Variants in NRXN1 observed in about 807,000 individuals in gnomAD.
NRXN1 encodes neurexin-1.
Under a neutral mutation model 150.9 loss-of-function variants are expected in NRXN1, and 39 were observed. That is an observed-to-expected ratio of 0.26 (90% CI 0.20 to 0.34). NRXN1 has a LOEUF of 0.34. NRXN1 is among the 10% of genes least tolerant of loss of function. The probability of loss-of-function intolerance (pLI) is 1.00; values close to 1 mark genes in which losing one functional copy is unlikely to be tolerated. For missense variants in NRXN1, 1,815 were observed against 1,949.9 expected (o/e 0.93, Z 1.30); for synonymous variants, 924 against 757.0 (o/e 1.22, Z -3.62).
chr2:50,936,843 G>A (rs1361121177), intron 2 of NRXN1, among the ~76,000 whole-genome samples: 1 of 152,074 alleles, frequency 6.6e-6, no homozygotes, highest in Non-Finnish European at 1.5e-5. Flanking sequence ...TTGTAAACAT[G>A]TATGAAAACG....
At chr2:50,189,406 C>A (rs1392674875) in intron 18 of NRXN1, among the ~76,000 whole-genome samples, 1 of 152,128 alleles carries the variant, frequency 6.6e-6, no homozygotes, top group Admixed American at 6.6e-5. Context: ...AGGAAAAATA[C>A]CTAATGTAGA....
intron 5 of NRXN1, among the ~76,000 whole-genome samples, chr2:50,773,309 TTTTG>T (rs1339942581): frequency 3.9e-5 from 6 of 152,182 alleles, no homozygotes; most frequent in African/African-American, 1.4e-4. Context: ...AGACATTCTG[TTTTG>T]TTTGTTAATT....
intron 5 of NRXN1, among the ~76,000 whole-genome samples, chr2:50,798,796 A>G (rs1312872608): frequency 2.6e-5 from 4 of 152,218 alleles, no homozygotes; most frequent in Non-Finnish European, 4.4e-5. Context: ...AAGCCATTCA[A>G]AAACTGTTTA....
intron 6 of NRXN1, 42 bp from the exon 7 acceptor site, chr2:50,621,291 A>G (rs777527271): frequency 3.4e-6 from 5 of 1,462,290 alleles, no homozygotes; most frequent in Non-Finnish European, 4.7e-6. Context: ...AAAACTGTGA[A>G]CAGAATAACG....
intron 5 of NRXN1, among the ~76,000 whole-genome samples, chr2:50,909,368 T>C (rs1203318555): frequency 2.6e-5 from 4 of 152,102 alleles, no homozygotes; most frequent in East Asian, 3.9e-4. Flanking sequence ...TTTGTTTGAA[T>C]AGGCATTTGG....
At chr2:50,317,581 A>C (rs1343016203) in intron 17 of NRXN1, among the ~76,000 whole-genome samples, 2 of 151,990 alleles carry the variant, frequency 1.3e-5, no homozygotes, top group African/African-American at 2.4e-5. Flanking sequence ...AAATGAAAGA[A>C]TGTACTAACA....
At chr2:50,951,970 T>A (rs1691432710) in intron 2 of NRXN1, among the ~76,000 whole-genome samples, 3 of 132,866 alleles carry the variant, frequency 2.3e-5, no homozygotes, top group African/African-American at 8.6e-5. Context: ...TATATTTTTT[T>A]TTTTTTTTTT....
intron 17 of NRXN1, among the ~76,000 whole-genome samples, chr2:50,443,423 T>C (rs946572252): frequency 6.6e-6 from 1 of 152,126 alleles, no homozygotes; most frequent in African/African-American, 2.4e-5. Context: ...AATGGGTCAT[T>C]TGTGAGTTTG....
At chr2:50,669,263 A>G (rs569995393) in intron 5 of NRXN1, among the ~76,000 whole-genome samples, 16 of 152,106 alleles carry the variant, frequency 1.1e-4, no homozygotes, top group African/African-American at 3.9e-4. Context: ...TAAGTGAGGT[A>G]GCAAAAAACA....
intron 5 of NRXN1, chr2:50,637,500 T>A (rs1453538401): frequency 6.6e-6 from 1 of 152,224 alleles, no homozygotes; most frequent in African/African-American, 2.4e-5. Context: ...ACAGAATTTA[T>A]GAGAAAGACT....
At chr2:50,343,361 C>G (rs1290096801) in intron 17 of NRXN1, among the ~76,000 whole-genome samples, 1 of 152,170 alleles carries the variant, frequency 6.6e-6, no homozygotes, top group East Asian at 1.9e-4. Context: ...GCTGAGCACA[C>G]TGGTCTATTC....
intron 5 of NRXN1, among the ~76,000 whole-genome samples, chr2:50,696,469 T>A (rs1400493722): frequency 6.6e-6 from 1 of 152,074 alleles, no homozygotes; most frequent in Non-Finnish European, 1.5e-5. Context: ...CTAAGCTAAA[T>A]CATAGTTTGC....
chr2:50,494,779 T>G (rs2104893683), intron 15 of NRXN1, among the ~76,000 whole-genome samples: 1 of 152,262 alleles, frequency 6.6e-6, no homozygotes, highest in East Asian at 1.9e-4. Context: ...ACACCTGTAA[T>G]CCTAGCATTT....
chr2:50,331,004 T>C (rs972273367), intron 17 of NRXN1, among the ~76,000 whole-genome samples: 1 of 152,168 alleles, frequency 6.6e-6, no homozygotes, highest in African/African-American at 2.4e-5. Flanking sequence ...TTGTCATCCA[T>C]ACAAAGTCAA....
At chr2:50,804,280 G>T (rs1013091107) in intron 5 of NRXN1, among the ~76,000 whole-genome samples, 1 of 152,116 alleles carries the variant, frequency 6.6e-6, no homozygotes, top group Non-Finnish European at 1.5e-5. Context: ...ACACTAATAA[G>T]CAAAGGCGAG....
chr2:50,586,530 T>C (rs892901797), intron 8 of NRXN1, among the ~76,000 whole-genome samples: 2 of 152,056 alleles, frequency 1.3e-5, no homozygotes, highest in Admixed American at 1.3e-4. Flanking sequence ...AATTTTTTAA[T>C]GAGTGAATGT....
intron 5 of NRXN1, among the ~76,000 whole-genome samples, chr2:50,875,563 CAAGAT>C (rs1678451324): frequency 2.0e-5 from 3 of 151,678 alleles, no homozygotes; most frequent in Admixed American, 6.6e-5. Context: ...TCTTGGGAAA[CAAGAT>C]AAGATTTCTA....
chr2:50,041,854 G>A (rs1270135560), intron 21 of NRXN1, among the ~76,000 whole-genome samples: 2 of 152,080 alleles, frequency 1.3e-5, no homozygotes, highest in Non-Finnish European at 2.9e-5. Flanking sequence ...CCAAAATGAT[G>A]AGACTCTAGT....
At chr2:50,138,971 A>G (rs1706832636) in intron 18 of NRXN1, among the ~76,000 whole-genome samples, 1 of 152,206 alleles carries the variant, frequency 6.6e-6, no homozygotes, top group South Asian at 2.1e-4. Context: ...GGTGCAGATA[A>G]AAGGTAAAGG....
Sources: gnomAD v4.1 joint callset for allele counts (sites outside exome capture counted in the v4.1 genomes callset) on GRCh38, gnomAD v4.1.1 for gene constraint, MANE v1.5 for transcripts, NCBI Gene and HGNC (gene_info 2026-07-23, HGNC 2026-07-21) for gene names.